The following CSMD3 variants were observed in gnomAD, a reference collection of about 807,000 sequenced individuals.
CSMD3 encodes the protein CUB and Sushi multiple domains 3, also known as CUB and sushi domain-containing protein 3.
A neutral mutation model predicts 435.2 loss-of-function variants in CSMD3; 177 were observed. The ratio of observed to expected loss-of-function variants is 0.41; its 90% CI spans 0.36 to 0.46. The LOEUF (loss-of-function observed/expected upper bound fraction) is 0.46, where lower values mean the gene tolerates loss of function less well. Among genes scored for constraint, CSMD3 ranks in the 20% least tolerant of loss-of-function variants. The pLI is 0.34. For synonymous variants in CSMD3, 1,656 were observed against 1,520.5 expected (o/e 1.09, Z -2.07); for missense variants, 4,265 against 4,504.6 (o/e 0.95, Z 1.52).
intron 7 of CSMD3, among the ~76,000 whole-genome samples, chr8:112,963,370 T>C (rs2084304008): frequency 6.6e-6 from 1 of 152,008 alleles, no homozygotes; most frequent in African/African-American, 2.4e-5. Context: ...TCTATTGTTT[T>C]GAAATGTACT....
At chr8:112,282,627 C>G (rs72672877) in intron 58 of CSMD3, among the ~76,000 whole-genome samples, 29,834 of 151,984 alleles carry the variant, frequency 0.2, 3,573 homozygotes, top group East Asian at 0.36. Flanking sequence ...CCAAATCGTA[C>G]TGTTGTTTCT....
At chr8:112,241,842 G>GCACA (rs5894076) in intron 65 of CSMD3, 57 bp from the exon 66 acceptor site, 122,465 of 575,922 alleles carry the variant, frequency 0.21, 8,119 homozygotes, top group African/African-American at 0.46. Flanking sequence ...ACATACACAT[G>GCACA]CGCACACACA....
intron 59 of CSMD3, among the ~76,000 whole-genome samples, chr8:112,271,553 A>G (rs1817536445): frequency 6.6e-6 from 1 of 152,134 alleles, no homozygotes; most frequent in Non-Finnish European, 1.5e-5. Flanking sequence ...AAGAACATGG[A>G]TTCTTGAGTG....
intron 2 of CSMD3, among the ~76,000 whole-genome samples, chr8:113,289,068 T>A (rs1012593106): frequency 4.0e-5 from 6 of 151,822 alleles, no homozygotes; most frequent in Non-Finnish European, 8.9e-5. Flanking sequence ...TTTACTGTTG[T>A]GTGACATTGG....
chr8:113,033,051 A>G (rs1274978044), intron 5 of CSMD3, among the ~76,000 whole-genome samples: 1 of 151,540 alleles, frequency 6.6e-6, no homozygotes, highest in Non-Finnish European at 1.5e-5. Flanking sequence ...GGGAGTCTCC[A>G]CCTAGATTTC....
intron 17 of CSMD3, among the ~76,000 whole-genome samples, chr8:112,665,338 TTTTTG>T (rs773281006): frequency 3.3e-5 from 5 of 152,158 alleles, no homozygotes; most frequent in Non-Finnish European, 7.4e-5. Context: ...TTGTCTAACG[TTTTTG>T]TTTTAACAGT....
At chr8:112,368,220 A>T (rs1335860320) in intron 38 of CSMD3, among the ~76,000 whole-genome samples, 1 of 152,050 alleles carries the variant, frequency 6.6e-6, no homozygotes, top group Non-Finnish European at 1.5e-5. Context: ...GTTTTCCCTG[A>T]CTCTACCACC....
chr8:113,087,389 C>T (rs201260618), intron 5 of CSMD3, among the ~76,000 whole-genome samples: 34 of 151,930 alleles, frequency 2.2e-4, no homozygotes, highest in African/African-American at 8.2e-4. Context: ...AAAAAGAGCC[C>T]GCATCACCAA....
At chr8:113,253,040 G>A (rs2093348104) in intron 3 of CSMD3, among the ~76,000 whole-genome samples, 1 of 152,066 alleles carries the variant, frequency 6.6e-6, no homozygotes, top group Non-Finnish European at 1.5e-5. Context: ...CAGAACCAGA[G>A]CACAGATCAA....
intron 58 of CSMD3, among the ~76,000 whole-genome samples, chr8:112,282,977 T>C (rs1184826746): frequency 6.6e-6 from 1 of 152,118 alleles, no homozygotes; most frequent in African/African-American, 2.4e-5. Context: ...ACTATTTTTT[T>C]AGATTCATTA....
chr8:112,493,174 A>T (rs1820875331), intron 30 of CSMD3, among the ~76,000 whole-genome samples: 1 of 152,180 alleles, frequency 6.6e-6, no homozygotes, highest in African/African-American at 2.4e-5. Flanking sequence ...TTTATTAGTA[A>T]GATAATAAAT....
At chr8:112,918,408 G>C (rs1478655325) in intron 10 of CSMD3, among the ~76,000 whole-genome samples, 1 of 151,360 alleles carries the variant, frequency 6.6e-6, no homozygotes, top group Non-Finnish European at 1.5e-5. Context: ...TTGATTACTT[G>C]GTACCATCCT....
At chr8:113,147,461 T>C (rs949678574) in intron 4 of CSMD3, among the ~76,000 whole-genome samples, 5 of 151,716 alleles carry the variant, frequency 3.3e-5, no homozygotes, top group African/African-American at 4.8e-5. Flanking sequence ...CTGATGTCTC[T>C]GCTTTTTTAT....
chr8:113,224,519 A>G lies in CSMD3; in HGVS notation c.515-50603T>C, dbSNP rs115222114. Among the ~76,000 whole-genome samples, 996 of 151,412 alleles carry G rather than the reference A, an allele frequency of 6.6e-3. 11 individuals carry two copies. Among genetic ancestry groups the G allele is most frequent in the African/African-American group, 0.022 (899 of 41,480 alleles). ...TGTATTTTCATTTAATCTACCTTCT[A>G]ATTATATATAACATCTGTTTGTAGC... On this transcript the variant is annotated intron_variant, in intron 3 of 70. Transcript: ENST00000297405.
intron 43 of CSMD3, 78 bp from the exon 44 acceptor site, chr8:112,336,907 A>T (rs573479815): frequency 3.4e-6 from 4 of 1,175,426 alleles, no homozygotes; most frequent in South Asian, 1.3e-5. Flanking sequence ...CAAACATTTC[A>T]CATATCTTAA....
intron 61 of CSMD3, among the ~76,000 whole-genome samples, chr8:112,262,180 GGTGTGTGTAT>G (rs1816473357): frequency 6.6e-6 from 1 of 151,552 alleles, no homozygotes; most frequent in Non-Finnish European, 1.5e-5. Context: ...ATTTGTTGTG[GGTGTGTGTAT>G]GTGTGTGAAC....
At chr8:112,837,864 A>G (rs1399933580) in intron 11 of CSMD3, among the ~76,000 whole-genome samples, 1 of 151,838 alleles carries the variant, frequency 6.6e-6, no homozygotes, top group Non-Finnish European at 1.5e-5. Flanking sequence ...AGAATGCATT[A>G]TATATGTATA....
chr8:113,292,304 T>C (rs375380062), intron 2 of CSMD3, among the ~76,000 whole-genome samples: 2 of 151,714 alleles, frequency 1.3e-5, no homozygotes, highest in South Asian at 2.1e-4. Flanking sequence ...TATTAAACAG[T>C]CATGTTCGTA....
chr8:112,616,463 C>T (rs1833671113), intron 22 of CSMD3, among the ~76,000 whole-genome samples: 1 of 152,070 alleles, frequency 6.6e-6, no homozygotes, highest in African/African-American at 2.4e-5. Flanking sequence ...TTATTGAATG[C>T]TTGAATTCAG....
Sources: allele counts gnomAD v4.1 joint callset (sites outside exome capture counted in the v4.1 genomes callset), GRCh38; gene constraint gnomAD v4.1.1; transcripts MANE v1.5; gene names NCBI Gene and HGNC (gene_info 2026-07-23, HGNC 2026-07-21).